The following ITSN2 variants were observed in gnomAD, a reference collection of about 807,000 sequenced individuals.
ITSN2 encodes intersectin 2, also known as intersectin-2.
In ITSN2, 156 loss-of-function variants were observed where a neutral mutation model predicts 243.7. That is an observed-to-expected ratio of 0.64 (90% CI 0.56 to 0.73). The LOEUF is 0.73. Ranked by LOEUF, ITSN2 falls within the 30% of genes least tolerant of loss-of-function variation. ITSN2 has a pLI of 0.00. For missense variants in ITSN2, 1,801 were observed against 1,996.1 expected (o/e 0.90, Z 1.86); for synonymous variants, 703 against 699.9 (o/e 1.00, Z -0.07).
At chr2:24,322,085 AT>A (rs1178545883) in intron 2 of ITSN2, among the ~76,000 whole-genome samples, 2 of 152,156 alleles carry the variant, frequency 1.3e-5, no homozygotes, top group East Asian at 1.9e-4. Context: ...GTTCCTTCTA[AT>A]TCAGATGCCA....
chr2:24,316,704 G>C lies in ITSN2; in HGVS notation c.32-1480C>G, dbSNP rs149566652. Among the ~76,000 whole-genome samples, 308 of 152,288 alleles carry C rather than the reference G, an allele frequency of 2.0e-3. 2 individuals carry two copies. The highest frequency in any genetic ancestry group is 7.4e-3 in the African/African-American group (306 of 41,560). On this transcript the variant is annotated intron_variant, in intron 2 of 39. Transcript: ENST00000355123. ...TATGTTAACAACTGACACAACCATA[G>C]TACATTTGTCAAAACAAAGACATTA...
In ITSN2 at chr2:24,275,706, A is replaced by G. The variant is rs754763459; in HGVS notation, c.2081+7T>C. Reference sequence around the variant, plus strand: ...ATATAGCACAATAAATATATCAGCTATATTACCTTGCAGCCTCATCTTCTA... The same window carrying G: ...ATATAGCACAATAAATATATCAGCTGTATTACCTTGCAGCCTCATCTTCTA... On this transcript the variant is annotated splice_region_variant and intron_variant, in intron 18 of 39. Coordinates refer to ENST00000355123, the MANE Select transcript of ITSN2 (RefSeq NM_006277.3). 1.9e-5 allele frequency: 31 copies of G among 1,603,366 alleles called. No homozygotes were observed. The highest frequency in any genetic ancestry group is 1.3e-4 in the Admixed American group (8 of 59,494).
In ITSN2 at chr2:24,319,504, G is replaced by GT. The variant is rs561742715; in HGVS notation, c.32-4281dup. 4.7e-4 allele frequency among the ~76,000 whole-genome samples: 71 copies of GT among 152,212 alleles called. 1 individual carries two copies. In the East Asian group the frequency reaches 8.3e-3, roughly 18 times the overall value. On this transcript the variant is annotated intron_variant, in intron 2 of 39. Coordinates refer to ENST00000355123, the MANE Select transcript of ITSN2 (RefSeq NM_006277.3). Reference sequence around the variant, plus strand: ...AACATCAGGAATGACCCCAGAAAATGTATCTCCTGTCCATATCACTTCCAG... The same window carrying GT: ...AACATCAGGAATGACCCCAGAAAATGTTATCTCCTGTCCATATCACTTCCAG...
chr2:24,283,230 CTT>C (rs879626302), intron 17 of ITSN2, among the ~76,000 whole-genome samples: 1 of 146,198 alleles, frequency 6.8e-6, no homozygotes. Flanking sequence ...TTTTCTTTTT[CTT>C]TTTTTTTTTG....
At chr2:24,278,324 G>A (rs909002156) in intron 17 of ITSN2, among the ~76,000 whole-genome samples, 2 of 152,170 alleles carry the variant, frequency 1.3e-5, no homozygotes, top group African/African-American at 4.8e-5. Flanking sequence ...CTCCTCCACT[G>A]AAGTGAGTTT....
chr2:24,210,861 C>G lies in ITSN2; in HGVS notation c.4176G>C (p.Val1392=), dbSNP rs200975740. 18 of 1,614,186 alleles carry G rather than the reference C, an allele frequency of 1.1e-5. No individual in the cohort carries two copies. The East Asian group carries it at 2.9e-4, about 26-fold the overall frequency. The change falls in exon 34 of 40, where the codon GTG becomes GTC. Residue 1392 remains valine (V), a synonymous_variant. Coordinates refer to ENST00000355123, the MANE Select transcript of ITSN2 (RefSeq NM_006277.3). ...LERAEELCSQ[V]NEGVREKENS... ...TTTCCTTCTCCCGAACTCCCTCATT[C>G]ACTTGAGAGCACAGCTCCTCTGCCC...
intron 12 of ITSN2, 76 bp downstream of exon 12, chr2:24,299,833 A>AT (rs1681492925): frequency 1.5e-6 from 2 of 1,296,058 alleles, no homozygotes; most frequent in Non-Finnish European, 2.1e-6. Flanking sequence ...AAAAATAAGC[A>AT]TTTTTTAATC....
chr2:24,217,907 T>G lies in ITSN2; in HGVS notation c.3806A>C (p.Lys1269Thr). ...ELIMSNTKLL[K>T]ALRVRKKTGG... ...ATGACAGGTGATGCTCAGGACTCACTTCAGCAGCTTTGTGTTGGACATGAT... is the reference window on the plus strand; with the variant it reads ...ATGACAGGTGATGCTCAGGACTCACGTCAGCAGCTTTGTGTTGGACATGAT... Residue 1269 changes from lysine to threonine, a missense_variant and splice_region_variant, in exon 31 of 40, where the codon AAG becomes ACG. Lys to Thr is a moderately conservative substitution (Grantham distance 78, BLOSUM62 -1). This residue lies in a region of ITSN2 where 928 missense variants were observed against 1,065.4 expected (regional missense o/e 0.87). Coordinates refer to ENST00000355123, the MANE Select transcript of ITSN2 (RefSeq NM_006277.3). The G allele has an allele frequency of 1.2e-6, 2 of 1,609,646 alleles. No individual in the cohort carries two copies.
intron 17 of ITSN2, among the ~76,000 whole-genome samples, chr2:24,280,543 C>G (rs1025906663): frequency 3.9e-5 from 6 of 152,222 alleles, no homozygotes; most frequent in Admixed American, 3.9e-4. Flanking sequence ...TCGTCACTTT[C>G]TTGGCTGATC....
At chr2:24,325,200 A>C (rs1179463808) in intron 2 of ITSN2, among the ~76,000 whole-genome samples, 1 of 152,092 alleles carries the variant, frequency 6.6e-6, no homozygotes, top group Non-Finnish European at 1.5e-5. Context: ...CTTGAGCCCA[A>C]GAGTTCAAGA....
chr2:24,358,207 C>A (rs562022830), intron 1 of ITSN2, among the ~76,000 whole-genome samples: 1 of 152,320 alleles, frequency 6.6e-6, no homozygotes, highest in South Asian at 2.1e-4. Flanking sequence ...GGGCACCCGG[C>A]ACATAGATAA....
At chr2:24,313,415 A>C in intron 4 of ITSN2, 45 bp downstream of exon 4, 1 of 1,531,738 alleles carries the variant, frequency 6.5e-7, no homozygotes. Context: ...TTACAAAAAA[A>C]CAAAATACTA....
rs570014214 is a variant in ITSN2, at chr2:24,303,674, T to G, written c.857+125A>C. On this transcript the variant is annotated intron_variant, in intron 9 of 39. Transcript: ENST00000355123. Reference sequence around the variant, plus strand: ...TAATACTAACTTTCAAATGGCTGCTTTTATAGAGCATCTCTGAGTCACAAA... The same window carrying G: ...TAATACTAACTTTCAAATGGCTGCTGTTATAGAGCATCTCTGAGTCACAAA... 7 of 689,830 alleles carry G rather than the reference T, an allele frequency of 1.0e-5. No individual in the cohort carries two copies. The South Asian group carries it at 1.2e-4, about 12-fold the overall frequency. The allele number at this position is 689,830 out of a possible 1,614,324, so 42.7% of individuals were successfully genotyped here.
At chr2:24,276,627 C>A (rs1440335278) in intron 17 of ITSN2, among the ~76,000 whole-genome samples, 1 of 152,224 alleles carries the variant, frequency 6.6e-6, no homozygotes, top group Non-Finnish European at 1.5e-5. Context: ...CTCTAGGAAA[C>A]TGATCTTTCC....
intron 32 of ITSN2, among the ~76,000 whole-genome samples, chr2:24,215,794 TGATAA>T (rs1230504398): frequency 1.3e-5 from 2 of 152,010 alleles, no homozygotes; most frequent in Admixed American, 1.3e-4. Context: ...ATAAAGTAGC[TGATAA>T]GTAAGTATGC....
Position 24,212,753 on chromosome 2 carries a change from A to G in ITSN2, c.3991-5T>C. ...CCGCGGGTCAGATGCCAGCTTCTGC[A>G]AAACAACAGTGAGGCTCGTGAGGAA... is the stretch of plus-strand genomic sequence containing the variant. On this transcript the variant is annotated splice_region_variant and splice_polypyrimidine_tract_variant and intron_variant, in intron 32 of 39. Coordinates refer to ENST00000355123, the MANE Select transcript of ITSN2 (RefSeq NM_006277.3). 1 of 1,612,322 alleles carries G rather than the reference A, an allele frequency of 6.2e-7. No individual in the cohort carries two copies. The highest frequency in any genetic ancestry group is 8.5e-7 in the Non-Finnish European group (1 of 1,178,296).
rs372105042 is a variant in ITSN2 at position 24,327,367 on chromosome 2, T to C, written c.31+685A>G. Among the ~76,000 whole-genome samples, 16 of 151,862 alleles carry C rather than the reference T, an allele frequency of 1.1e-4. 1 individual carries two copies. Among genetic ancestry groups the C allele is most frequent in the Non-Finnish European group, 1.5e-5 (1 of 67,946 alleles). ...CTGGAGTGTAGTGGCCCTATCTCGG[T>C]ACACTGCAACCACCACCTCCCGGGT... is the stretch of plus-strand genomic sequence containing the variant. On this transcript the variant is annotated intron_variant, in intron 2 of 39. Coordinates refer to ENST00000355123, the MANE Select transcript of ITSN2 (RefSeq NM_006277.3).
chr2:24,333,438 T>C (rs771481587), intron 1 of ITSN2, among the ~76,000 whole-genome samples: 12 of 152,342 alleles, frequency 7.9e-5, no homozygotes, highest in Middle Eastern at 3.4e-3. Context: ...TTCAGGCAAG[T>C]GCAACTGAAG....
At chr2:24,313,756 T>C (rs1457885857) in intron 3 of ITSN2, among the ~76,000 whole-genome samples, 2 of 152,236 alleles carry the variant, frequency 1.3e-5, no homozygotes, top group Non-Finnish European at 1.5e-5. Flanking sequence ...TGATGAAAGA[T>C]GATTCATCTC....
Sources: gnomAD v4.1 joint callset for allele counts (sites outside exome capture counted in the v4.1 genomes callset) on GRCh38, gnomAD v4.1.1 for gene constraint, gnomAD v4.1.1 regional missense constraint, MANE v1.5 for transcripts, NCBI Gene and HGNC (gene_info 2026-07-23, HGNC 2026-07-21) for gene names.